The following EEF1E1 variants were observed in gnomAD, a reference collection of about 807,000 sequenced individuals.
The protein encoded by EEF1E1 is eukaryotic translation elongation factor 1 epsilon 1.
EEF1E1 carries 19 observed loss-of-function variants against 19.9 expected under a neutral mutation model. The ratio of observed to expected loss-of-function variants is 0.95; its 90% CI spans 0.66 to 1.40. EEF1E1 has a LOEUF of 1.40. EEF1E1 is among the 40% of genes most tolerant of loss of function. The pLI is 0.00. For missense variants in EEF1E1, 198 were observed against 202.2 expected (o/e 0.98, Z 0.13); for synonymous variants, 81 against 80.0 (o/e 1.01, Z -0.07).
intron 3 of EEF1E1, among the ~76,000 whole-genome samples, chr6:8,088,697 G>A (rs1388452383): frequency 6.6e-6 from 1 of 152,196 alleles, no homozygotes; most frequent in South Asian, 2.1e-4. Flanking sequence ...TTTATCAGCA[G>A]CGTGAAAATG....
At chr6:8,075,722 A>C (rs1757574968), downstream of EEF1E1, among the ~76,000 whole-genome samples, 2 of 152,076 alleles carry the variant, frequency 1.3e-5, no homozygotes, top group African/African-American at 4.8e-5. Context: ...GACAACAATA[A>C]AGTTTGCCAC....
In EEF1E1 at chr6:8,079,782, C is replaced by G; in HGVS notation, c.*108G>C. ...TACACTTCAAAAATTCTATCAACTT[C>G]AACAAATAATGAATGACTGTATATT... is the stretch of plus-strand genomic sequence containing the variant. On this transcript the variant is annotated 3_prime_UTR_variant, in exon 4 of 4. Coordinates refer to ENST00000379715, the MANE Select transcript of EEF1E1 (RefSeq NM_004280.5). 2.2e-6 allele frequency: 3 copies of G among 1,365,660 alleles called. No individual in the cohort carries two copies. Among genetic ancestry groups the G allele is most frequent in the Non-Finnish European group, 2.8e-6 (3 of 1,053,780 alleles). 84.6% of individuals were successfully genotyped at this position (1,365,660 alleles called of 1,614,324 possible).
chr6:8,079,352 CCCAATGAGT>C, downstream of EEF1E1: 1 of 953,074 alleles, frequency 1.0e-6, no homozygotes. Context: ...TTAGTTTCAC[CCCAATGAGT>C]ACTGACTACA....
chr6:8,094,378 C>T (rs577206335), intron 2 of EEF1E1, among the ~76,000 whole-genome samples: 1 of 151,784 alleles, frequency 6.6e-6, no homozygotes, highest in African/African-American at 2.4e-5. Context: ...GGGTGGACCA[C>T]TTGAGGTTAG....
intron 3 of EEF1E1, among the ~76,000 whole-genome samples, chr6:8,087,885 T>C (rs891280057): frequency 8.5e-5 from 13 of 152,128 alleles, no homozygotes. Flanking sequence ...CAAAAACACA[T>C]GAGTTCTTTT....
In EEF1E1 at chr6:8,073,443, T is replaced by TA; in HGVS notation, c.*31_*32insT. On this transcript the variant is annotated 3_prime_UTR_variant, in exon 4 of 4. Coordinates refer to the EEF1E1 transcript ENST00000429723. ...CAGACATTTGTGTTTGAATCTCAGT[T>TA]CCTTGATCTCAGTTCCTTGTATGAT... 3 of 1,551,172 alleles carry TA rather than the reference T, an allele frequency of 1.9e-6. No individual in the cohort carries two copies. The South Asian group carries it at 3.6e-5, about 18-fold the overall frequency.
chr6:8,077,649 G>T (rs9406090), downstream of EEF1E1, among the ~76,000 whole-genome samples: 29,478 of 152,080 alleles, frequency 0.19, 3,287 homozygotes, highest in Non-Finnish European at 0.26. Flanking sequence ...TCATAGAATC[G>T]AAGAGAGTTA....
chr6:8,098,160 C>A (rs1323727901), intron 1 of EEF1E1, among the ~76,000 whole-genome samples: 1 of 151,706 alleles, frequency 6.6e-6, no homozygotes, highest in African/African-American at 2.4e-5. Flanking sequence ...CACTCTGTCA[C>A]CCAAGCTGGA....
At chr6:8,099,377 G>A (rs1158104592) in intron 1 of EEF1E1, among the ~76,000 whole-genome samples, 2 of 152,174 alleles carry the variant, frequency 1.3e-5, no homozygotes, top group African/African-American at 2.4e-5. Context: ...ATGCGGTACA[G>A]GTTTGTAGCC....
intron 3 of EEF1E1, among the ~76,000 whole-genome samples, chr6:8,083,180 G>A (rs1196197895): frequency 6.6e-6 from 1 of 152,144 alleles, no homozygotes; most frequent in Non-Finnish European, 1.5e-5. Flanking sequence ...AATTTTCCAT[G>A]AAGTCATGTG....
At chr6:8,083,910 T>C (rs1208430821) in intron 3 of EEF1E1, among the ~76,000 whole-genome samples, 3 of 152,206 alleles carry the variant, frequency 2.0e-5, no homozygotes, top group Non-Finnish European at 4.4e-5. Flanking sequence ...TATGTATTTG[T>C]ACCCAACTTA....
downstream of EEF1E1, among the ~76,000 whole-genome samples, chr6:8,077,191 C>T (rs1581452341): frequency 6.6e-6 from 1 of 152,130 alleles, no homozygotes; most frequent in East Asian, 1.9e-4. Flanking sequence ...GATCCGCCCG[C>T]CTTGGCCTCC....
chr6:8,094,427 T>C (rs1758108728), intron 2 of EEF1E1, among the ~76,000 whole-genome samples: 1 of 151,554 alleles, frequency 6.6e-6, no homozygotes, highest in East Asian at 2.0e-4. Flanking sequence ...TGAAACCCCA[T>C]CTCTACTAAA....
chr6:8,086,028 A>T (rs1757844591), intron 3 of EEF1E1, among the ~76,000 whole-genome samples: 1 of 152,196 alleles, frequency 6.6e-6, no homozygotes, highest in South Asian at 2.1e-4. Flanking sequence ...AAATCATTTA[A>T]AACTCATAAT....
chr6:8,101,809 T>C lies in EEF1E1; in HGVS notation c.87+626A>G, dbSNP rs1313178556. On this transcript the variant is annotated intron_variant, in intron 1 of 3. Coordinates refer to ENST00000379715, the MANE Select transcript of EEF1E1 (RefSeq NM_004280.5). ...TCACTGTGGGTCGTAACACTTAAAC[T>C]GATAATCCAAGGCTTTAGAAACGCC... The C allele has an allele frequency of 3.1e-6, 4 of 1,289,384 alleles. No homozygotes were observed. The South Asian group carries it at 4.9e-5, about 16-fold the overall frequency. 79.9% of individuals were successfully genotyped at this position (1,289,384 alleles called of 1,614,324 possible). A position where few individuals can be genotyped will look rare whatever the true frequency, so the allele number is the denominator to read the frequency against.
intron 2 of EEF1E1, among the ~76,000 whole-genome samples, chr6:8,092,078 T>G (rs1275634138): frequency 1.3e-5 from 2 of 152,178 alleles, no homozygotes; most frequent in East Asian, 3.8e-4. Flanking sequence ...GGGTGAGGTC[T>G]CTCTCAGGCC....
chr6:8,087,070 G>T (rs558597519), intron 3 of EEF1E1, among the ~76,000 whole-genome samples: 1 of 152,298 alleles, frequency 6.6e-6, no homozygotes, highest in South Asian at 2.1e-4. Context: ...AAATGCAAAT[G>T]AAGTGGAGAG....
intron 2 of EEF1E1, 68 bp from the exon 3 acceptor site, chr6:8,090,349 C>G (rs1757983643): frequency 1.7e-6 from 2 of 1,150,246 alleles, no homozygotes; most frequent in Admixed American, 7.0e-5. Context: ...ATTATCATAT[C>G]ATGACTTAAA....
chr6:8,087,220 G>A (rs1757882958), intron 3 of EEF1E1, among the ~76,000 whole-genome samples: 1 of 152,172 alleles, frequency 6.6e-6, no homozygotes. Context: ...AAGGGAGGCA[G>A]GAGTCAGATG....
Sources: allele counts gnomAD v4.1 joint callset (sites outside exome capture counted in the v4.1 genomes callset), GRCh38; gene constraint gnomAD v4.1.1; transcripts MANE v1.5; gene names NCBI Gene and HGNC (gene_info 2026-07-23, HGNC 2026-07-21).